PARD3B: variants seen among roughly 807,000 people sequenced by gnomAD.
PARD3B encodes partitioning defective 3 homolog B.
A neutral mutation model predicts 130.2 loss-of-function variants in PARD3B; 103 were observed. That is an observed-to-expected ratio of 0.79 (90% CI 0.67 to 0.93). PARD3B has a LOEUF of 0.93. Ranked by LOEUF, PARD3B falls within the 40% of genes least tolerant of loss-of-function variation. PARD3B has a pLI of 0.00. For synonymous variants in PARD3B, 583 were observed against 553.2 expected, an observed-to-expected ratio of 1.05 and a Z score of -0.76; for missense variants, 1,609 against 1,499.2, an observed-to-expected ratio of 1.07 and a Z score of -1.21.
At position 204,546,068 on chromosome 2, in the gene PARD3B, C is replaced by G. The variant is rs750917995; in HGVS notation, c.69C>G (p.Val23=). The change falls in exon 1 of 23, where the codon GTC becomes GTG. Residue 23 remains valine, a synonymous_variant. Transcript: ENST00000406610. ...CCTGCAAGGAGGGCCAGCTGCGCGTCGGCGAGCTCACCCAGCAGGCGCTGC... is the reference window on the plus strand; with the variant it reads ...CCTGCAAGGAGGGCCAGCTGCGCGTGGGCGAGCTCACCCAGCAGGCGCTGC... The part of the protein sequence containing the change: ...VVPCKEGQLR[V]GELTQQALQR... The G allele has an allele frequency of 2.6e-6, 4 of 1,560,634 alleles. No homozygotes were observed. The highest frequency in any genetic ancestry group is 3.5e-6 in the Non-Finnish European group (4 of 1,152,058).
chr2:204,974,798 G>A (rs1220588702), intron 3 of PARD3B, among the ~76,000 whole-genome samples: 1 of 152,182 alleles, frequency 6.6e-6, no homozygotes, highest in Non-Finnish European at 1.5e-5. Flanking sequence ...ATGAAAATCA[G>A]TATATCAAGT....
chr2:205,596,695 A>C (rs1041855731), intron 22 of PARD3B, among the ~76,000 whole-genome samples: 39 of 152,258 alleles, frequency 2.6e-4, no homozygotes, highest in African/African-American at 8.9e-4. Context: ...AGAATGTTAG[A>C]ATAATCATCC....
chr2:204,715,570 CTACTT>C (rs1347683054), intron 2 of PARD3B, among the ~76,000 whole-genome samples: 1 of 150,290 alleles, frequency 6.7e-6, no homozygotes, highest in Non-Finnish European at 1.5e-5. Flanking sequence ...GTAAGCCAAA[CTACTT>C]TCTTTTGTGA....
rs545007064 is a variant in PARD3B at position 205,590,111 on chromosome 2, T to C, written c.3261-25345T>C. Among the ~76,000 whole-genome samples the C allele has an allele frequency of 3.7e-4, 56 of 152,310 alleles. No individual in the cohort carries two copies. Among genetic ancestry groups the C allele is most frequent in the African/African-American group, 1.0e-3 (43 of 41,578 alleles). On this transcript the variant is annotated intron_variant, in intron 22 of 22. Coordinates refer to ENST00000406610, the MANE Select transcript of PARD3B (RefSeq NM_001302769.2). This position sits in a 1 kb window ranked among gnomAD's most constrained non-coding sequence, Gnocchi z 4.1. ...AACACATGAATGTACACATGGACAA[T>C]AGGTAAACATTATTGTTCTCTCTAC...
At chr2:205,100,924 AT>A (rs1017222496) in intron 4 of PARD3B, among the ~76,000 whole-genome samples, 92 of 152,288 alleles carry the variant, frequency 6.0e-4, no homozygotes, top group African/African-American at 2.1e-3. Flanking sequence ...TTGTGACCTT[AT>A]ATTAGGCAAT....
At chr2:205,313,454 C>T (rs1008503210) in intron 18 of PARD3B, among the ~76,000 whole-genome samples, 1 of 152,166 alleles carries the variant, frequency 6.6e-6, no homozygotes, top group Non-Finnish European at 1.5e-5. Context: ...ACCTTGTTTT[C>T]AAAATCATTT....
At chr2:204,898,267 A>T (rs1246982699) in intron 2 of PARD3B, among the ~76,000 whole-genome samples, 3 of 152,030 alleles carry the variant, frequency 2.0e-5, no homozygotes, top group Non-Finnish European at 2.9e-5. Context: ...AGGTAAATGG[A>T]GTATCCATCC....
rs1187268033 is a variant in PARD3B, at chr2:205,229,183, C to T, written c.2141-16595C>T. Among the ~76,000 whole-genome samples the T allele has an allele frequency of 2.6e-5, 4 of 152,206 alleles. No homozygotes were observed. Among genetic ancestry groups the T allele is most frequent in the Non-Finnish European group, 5.9e-5 (4 of 68,042 alleles). The stretch of plus-strand genomic sequence containing the variant: ...GAGGCTTGTGATTGTTTATCATTGT[C>T]TCAACATTGAAGAGTTAGGTATTTA... On this transcript the variant is annotated intron_variant, in intron 15 of 22. Transcript: ENST00000406610. This position sits in a 1 kb window ranked among gnomAD's most constrained non-coding sequence, Gnocchi z 5.2.
chr2:205,475,145 T>C (rs1020597291), intron 20 of PARD3B, among the ~76,000 whole-genome samples: 3 of 152,094 alleles, frequency 2.0e-5, no homozygotes, highest in Non-Finnish European at 4.4e-5. Flanking sequence ...TTGGACCTTG[T>C]TTTAATTGAC....
At chr2:205,504,852 A>C (rs1450435207) in intron 21 of PARD3B, among the ~76,000 whole-genome samples, 1 of 152,240 alleles carries the variant, frequency 6.6e-6, no homozygotes, top group East Asian at 1.9e-4. Context: ...GGGATCTAGA[A>C]CTAGAAATAC....
chr2:205,490,998 G>A (rs1229583844), intron 20 of PARD3B, among the ~76,000 whole-genome samples: 4 of 152,086 alleles, frequency 2.6e-5, no homozygotes, highest in African/African-American at 7.2e-5. Context: ...TGTAGATTCT[G>A]GATATTAGAC....
At position 205,047,741 on chromosome 2, in the gene PARD3B, C is replaced by T. The variant is rs182950750; in HGVS notation, c.504+51C>T. ...TAATGAAAGATCAAAGTGCTGTACC[C>T]ATAGGTTAAGTGGGACTTTGCAGTT... On this transcript the variant is annotated intron_variant, in intron 4 of 22. Transcript: ENST00000406610. 13 of 1,352,866 alleles carry T rather than the reference C, an allele frequency of 9.6e-6. No individual in the cohort carries two copies. The East Asian group carries it at 1.3e-4, about 13-fold the overall frequency. The allele number at this position is 1,352,866 out of a possible 1,614,324, so 83.8% of individuals were successfully genotyped here.
At chr2:205,429,483 A>C (rs1220040217) in intron 19 of PARD3B, among the ~76,000 whole-genome samples, 1 of 152,206 alleles carries the variant, frequency 6.6e-6, no homozygotes, top group African/African-American at 2.4e-5. Context: ...TAATTCAGTC[A>C]AACATCATCA....
At chr2:205,333,989 T>C (rs1419810918) in intron 18 of PARD3B, among the ~76,000 whole-genome samples, 1 of 152,218 alleles carries the variant, frequency 6.6e-6, no homozygotes, top group East Asian at 1.9e-4. Context: ...ACAGATGGTC[T>C]TTATTAGAAA....
At chr2:205,057,690 C>CATATATGTGTATGTGTATACGTATAT (rs60670659) in intron 4 of PARD3B, among the ~76,000 whole-genome samples, 2 of 105,898 alleles carry the variant, frequency 1.9e-5, no homozygotes, top group Admixed American at 9.4e-5. Context: ...TGTATACGTA[C>CATATATGTGTATGTGTATACGTATAT]ATATACATAT....
chr2:205,197,074 T>TGTGTGA (rs1215097347), intron 15 of PARD3B, among the ~76,000 whole-genome samples: 176 of 143,842 alleles, frequency 1.2e-3, no homozygotes, highest in Middle Eastern at 3.5e-3. Flanking sequence ...TGTGTGTGTG[T>TGTGTGA]GAGAGAGAGA....
intron 15 of PARD3B, among the ~76,000 whole-genome samples, chr2:205,225,275 G>C (rs183047561): frequency 4.6e-5 from 7 of 152,192 alleles, no homozygotes; most frequent in Admixed American, 2.0e-4. Flanking sequence ...ATTTGTTATT[G>C]CCTGTCTTTT....
At chr2:205,338,152 CAAAAAA>C (rs1159561152) in intron 18 of PARD3B, among the ~76,000 whole-genome samples, 9 of 20,450 alleles carry the variant, frequency 4.4e-4, no homozygotes, top group Non-Finnish European at 6.4e-4. Context: ...GACTCCATCT[CAAAAAA>C]AAAAAAAAAA....
intron 11 of PARD3B, among the ~76,000 whole-genome samples, chr2:205,171,703 G>GT (rs553492554): frequency 1.3e-4 from 19 of 151,276 alleles, no homozygotes; most frequent in African/African-American, 3.9e-4. Flanking sequence ...TTATGTGGTT[G>GT]TTTTTTTTTA....
Sources: allele counts gnomAD v4.1 joint callset (sites outside exome capture counted in the v4.1 genomes callset), GRCh38; gene constraint gnomAD v4.1.1; non-coding constraint Gnocchi (gnomAD v3.1); transcripts MANE v1.5; gene names NCBI Gene and HGNC (gene_info 2026-07-23, HGNC 2026-07-21).